Variants in TMEM117 observed in about 807,000 individuals in gnomAD.
TMEM117 encodes transmembrane protein 117.
TMEM117 carries 27 observed loss-of-function variants against 52.4 expected under a neutral mutation model. The observed-to-expected ratio is 0.51, with a 90% CI of 0.38 to 0.71. TMEM117 has a LOEUF of 0.71. Among genes scored for constraint, TMEM117 ranks in the 30% least tolerant of loss-of-function variants. The probability of loss-of-function intolerance (pLI) is 0.00; values close to 1 mark genes in which losing one functional copy is unlikely to be tolerated. For missense variants in TMEM117, 556 were observed against 630.5 expected (o/e 0.88, Z 1.26); for synonymous variants, 215 against 206.3 (o/e 1.04, Z -0.36).
At chr12:43,973,181 C>T (rs1945619281) in intron 3 of TMEM117, among the ~76,000 whole-genome samples, 1 of 152,016 alleles carries the variant, frequency 6.6e-6, no homozygotes, top group African/African-American at 2.4e-5. Flanking sequence ...GGTTTTTTCC[C>T]AAAATAGGGT....
intron 7 of TMEM117, among the ~76,000 whole-genome samples, chr12:44,377,486 AT>A (rs1951958257): frequency 6.6e-6 from 1 of 152,098 alleles, no homozygotes; most frequent in Admixed American, 6.6e-5. Flanking sequence ...TTATTTTCAG[AT>A]ATTTTCTGCT....
chr12:44,277,246 C>CTTAGTT (rs2138584239), intron 5 of TMEM117, among the ~76,000 whole-genome samples: 1 of 152,186 alleles, frequency 6.6e-6, no homozygotes, highest in African/African-American at 2.4e-5. Context: ...GGTAATCCTT[C>CTTAGTT]TTAGTTGATC....
At chr12:43,921,476 C>G (rs1206592056) in intron 2 of TMEM117, among the ~76,000 whole-genome samples, 4 of 152,288 alleles carry the variant, frequency 2.6e-5, no homozygotes, top group Non-Finnish European at 4.4e-5. Context: ...CAAGTAATCT[C>G]TCTGAGCTTC....
chr12:44,030,661 G>C (rs1220516304), intron 3 of TMEM117, among the ~76,000 whole-genome samples: 4 of 152,132 alleles, frequency 2.6e-5, no homozygotes, highest in African/African-American at 9.7e-5. Flanking sequence ...TATATGCCTA[G>C]TGTTCCATTA....
At chr12:43,997,701 G>C (rs1197406691) in intron 3 of TMEM117, among the ~76,000 whole-genome samples, 1 of 152,078 alleles carries the variant, frequency 6.6e-6, no homozygotes, top group Non-Finnish European at 1.5e-5. Context: ...GCATGAATTA[G>C]GCAAATCAAT....
intron 6 of TMEM117, among the ~76,000 whole-genome samples, chr12:44,318,864 A>G (rs1285246929): frequency 6.6e-6 from 1 of 152,042 alleles, no homozygotes; most frequent in Admixed American, 6.5e-5. Context: ...AAATGCCTGG[A>G]AATCTGCCTA....
intron 2 of TMEM117, among the ~76,000 whole-genome samples, chr12:43,914,865 C>G (rs1484053944): frequency 6.6e-6 from 1 of 152,050 alleles, no homozygotes; most frequent in Non-Finnish European, 1.5e-5. Flanking sequence ...ATTAATAGTT[C>G]TGTAATATTT....
chr12:43,872,225 C>T (rs1053308671), intron 2 of TMEM117, among the ~76,000 whole-genome samples: 1 of 152,196 alleles, frequency 6.6e-6, no homozygotes, highest in African/African-American at 2.4e-5. Flanking sequence ...TTCAGAACTA[C>T]CTGCTACCTA....
chr12:44,017,326 C>CTTTTTTTTTTTTTTTT (rs79007657), intron 3 of TMEM117, among the ~76,000 whole-genome samples: 1 of 97,126 alleles, frequency 1.0e-5, no homozygotes, highest in South Asian at 3.3e-4. Flanking sequence ...TCTTTCTTTC[C>CTTTTTTTTTTTTTTTT]TTTTTTTTTT....
intron 6 of TMEM117, among the ~76,000 whole-genome samples, chr12:44,345,326 C>A (rs1951471167): frequency 6.6e-6 from 1 of 152,176 alleles, no homozygotes; most frequent in East Asian, 1.9e-4. Context: ...AGGGCATATT[C>A]CCCTCAGTTC....
At chr12:43,965,567 G>T (rs1222597114) in intron 3 of TMEM117, among the ~76,000 whole-genome samples, 1 of 152,084 alleles carries the variant, frequency 6.6e-6, no homozygotes, top group Non-Finnish European at 1.5e-5. Context: ...TGTAAATGTT[G>T]TTTACTTTCT....
chr12:44,391,842 A>C (rs184133061), downstream of TMEM117, among the ~76,000 whole-genome samples: 3 of 152,254 alleles, frequency 2.0e-5, no homozygotes, highest in Non-Finnish European at 2.9e-5. Context: ...TTAGGCAGCT[A>C]CAAGTAGGGT....
chr12:44,208,126 C>A (rs938021874), intron 4 of TMEM117, among the ~76,000 whole-genome samples: 5 of 151,928 alleles, frequency 3.3e-5, no homozygotes, highest in African/African-American at 1.2e-4. Context: ...GCAAAGATTT[C>A]ACTTAGATTT....
chr12:44,065,844 G>A (rs1947214218), intron 3 of TMEM117, among the ~76,000 whole-genome samples: 1 of 152,198 alleles, frequency 6.6e-6, no homozygotes, highest in Non-Finnish European at 1.5e-5. Flanking sequence ...TTATAATGTG[G>A]TTCCTCTCTC....
At chr12:44,208,736 T>C (rs1382767378) in intron 4 of TMEM117, among the ~76,000 whole-genome samples, 1 of 149,320 alleles carries the variant, frequency 6.7e-6, no homozygotes. Flanking sequence ...TTTTTTTTTT[T>C]TTTTTTTTTT....
chr12:44,142,936 AG>A (rs1371725913), intron 3 of TMEM117, among the ~76,000 whole-genome samples: 1 of 152,202 alleles, frequency 6.6e-6, no homozygotes, highest in Non-Finnish European at 1.5e-5. Context: ...CTATACAAAA[AG>A]TAAATGGTAT....
the TMEM117 span, among the ~76,000 whole-genome samples, chr12:43,821,538 C>T: frequency 0.11 from 16,235 of 152,266 alleles, 1,012 homozygotes; most frequent in African/African-American, 0.15. Flanking sequence ...ACCTTAGCCT[C>T]CCAAAGTGCT....
intron 6 of TMEM117, among the ~76,000 whole-genome samples, chr12:44,365,615 CAT>C (rs1235682491): frequency 6.6e-6 from 1 of 152,008 alleles, no homozygotes; most frequent in African/African-American, 2.4e-5. Context: ...TCCTACCTAC[CAT>C]ATATATTTGC....
At chr12:44,015,916 TAG>T (rs1450849019) in intron 3 of TMEM117, among the ~76,000 whole-genome samples, 2 of 152,198 alleles carry the variant, frequency 1.3e-5, no homozygotes, top group East Asian at 1.9e-4. Flanking sequence ...AATTTTGATG[TAG>T]AGAGTTTTAT....
Sources: gnomAD v4.1 joint callset for allele counts (sites outside exome capture counted in the v4.1 genomes callset) on GRCh38, gnomAD v4.1.1 for gene constraint, MANE v1.5 for transcripts, NCBI Gene and HGNC (gene_info 2026-07-23, HGNC 2026-07-21) for gene names.